The following GALNTL6 variants were observed in gnomAD, a reference collection of about 807,000 sequenced individuals.
GALNTL6 encodes polypeptide N-acetylgalactosaminyltransferase like 6, also known as polypeptide N-acetylgalactosaminyltransferase-like 6.
In GALNTL6, 46 loss-of-function variants were observed where a neutral mutation model predicts 73.7. The ratio of observed to expected loss-of-function variants is 0.62; its 90% CI spans 0.49 to 0.80. The LOEUF (loss-of-function observed/expected upper bound fraction) is 0.80, where lower values mean the gene tolerates loss of function less well. Among genes scored for constraint, GALNTL6 ranks in the 30% least tolerant of loss-of-function variants. The probability of loss-of-function intolerance (pLI) is 0.00; values close to 1 mark genes in which losing one functional copy is unlikely to be tolerated. For missense variants in GALNTL6, 604 were observed against 755.0 expected, an observed-to-expected ratio of 0.80 and a Z score of 2.34; for synonymous variants, 259 against 263.7, an observed-to-expected ratio of 0.98 and a Z score of 0.17.
intron 7 of GALNTL6, among the ~76,000 whole-genome samples, chr4:172,876,699 T>A (rs1433765142): frequency 2.0e-5 from 3 of 152,166 alleles, no homozygotes; most frequent in Admixed American, 2.0e-4. Flanking sequence ...TAAAAAATGG[T>A]AATTTCTAGA....
chr4:172,591,994 G>T (rs1737656296), intron 5 of GALNTL6, among the ~76,000 whole-genome samples: 1 of 152,112 alleles, frequency 6.6e-6, no homozygotes, highest in African/African-American at 2.4e-5. Context: ...CTCCAAGTAT[G>T]GTCTCCATCT....
At chr4:172,696,657 C>T (rs569839012) in intron 5 of GALNTL6, among the ~76,000 whole-genome samples, 1 of 152,284 alleles carries the variant, frequency 6.6e-6, no homozygotes, top group East Asian at 1.9e-4. Flanking sequence ...TTGCCTGCTG[C>T]CATGTAAGAC....
chr4:172,761,944 C>A (rs949388332), intron 5 of GALNTL6, among the ~76,000 whole-genome samples: 1 of 152,160 alleles, frequency 6.6e-6, no homozygotes, highest in Non-Finnish European at 1.5e-5. Flanking sequence ...GATCTTCAAC[C>A]TGATCAAACC....
intron 2 of GALNTL6, among the ~76,000 whole-genome samples, chr4:172,083,065 T>G (rs1314014245): frequency 6.6e-6 from 1 of 152,164 alleles, no homozygotes; most frequent in Non-Finnish European, 1.5e-5. Context: ...GACAAAAACT[T>G]TAGTGTTATC....
chr4:171,899,336 T>A (rs867947550), intron 2 of GALNTL6, among the ~76,000 whole-genome samples: 1 of 152,108 alleles, frequency 6.6e-6, no homozygotes, highest in African/African-American at 2.4e-5. Flanking sequence ...TCCTGTTACA[T>A]TATGGCTTTG....
chr4:172,025,473 T>C (rs1284082876), intron 2 of GALNTL6, among the ~76,000 whole-genome samples: 1 of 151,984 alleles, frequency 6.6e-6, no homozygotes, highest in Non-Finnish European at 1.5e-5. Context: ...CTAGAGCTGG[T>C]GTTGGCTTTT....
At chr4:173,020,421 AT>A (rs1308424412) in intron 11 of GALNTL6, among the ~76,000 whole-genome samples, 1 of 152,234 alleles carries the variant, frequency 6.6e-6, no homozygotes, top group Non-Finnish European at 1.5e-5. Flanking sequence ...GTTGGATGGA[AT>A]ATCAGAGTCA....
chr4:171,910,051 A>G (rs1737426773), intron 2 of GALNTL6, among the ~76,000 whole-genome samples: 1 of 152,154 alleles, frequency 6.6e-6, no homozygotes, highest in South Asian at 2.1e-4. Context: ...TGCAAGCTTT[A>G]TTATAAGTCA....
chr4:172,306,309 A>G (rs1740135653), intron 3 of GALNTL6, among the ~76,000 whole-genome samples: 1 of 152,070 alleles, frequency 6.6e-6, no homozygotes, highest in South Asian at 2.1e-4. Context: ...GAATTGCTTG[A>G]ACTTGGGAGG....
chr4:172,348,505 C>A lies in GALNTL6; in HGVS notation c.387-18C>A. The A allele has an allele frequency of 6.2e-7, 1 of 1,601,218 alleles. No individual in the cohort carries two copies. The highest frequency in any genetic ancestry group is 1.1e-5 in the South Asian group (1 of 89,384). ...AGTTTTGTATTTGACACACCATTTT[C>A]TTTTCCCTCATCTCCAGCTGTAAGC... On this transcript the variant is annotated intron_variant, in intron 4 of 12. Transcript: ENST00000506823.
chr4:172,219,199 G>GTATATATATTTATATATATA (rs1736592908), intron 2 of GALNTL6, among the ~76,000 whole-genome samples: 1 of 116,206 alleles, frequency 8.6e-6, no homozygotes, highest in African/African-American at 3.3e-5. Flanking sequence ...TTAAGCAAGT[G>GTATATATATTTATATATATA]TATATATATA....
intron 7 of GALNTL6, among the ~76,000 whole-genome samples, chr4:172,864,000 A>G (rs1009685238): frequency 6.6e-6 from 1 of 152,232 alleles, no homozygotes; most frequent in South Asian, 2.1e-4. Flanking sequence ...GGTTTTATAA[A>G]TGGGATGCAC....
intron 5 of GALNTL6, among the ~76,000 whole-genome samples, chr4:172,748,880 TTTGTTGTTGTTGTTG>T (rs142265791): frequency 0.54 from 80,864 of 149,904 alleles, 23,621 homozygotes; most frequent in East Asian, 0.92. Flanking sequence ...CATATTTTCT[TTTGTTGTTGTTGTTG>T]TTGTTGTTGT....
chr4:172,217,087 C>T, intron 2 of GALNTL6, among the ~76,000 whole-genome samples: 1 of 152,120 alleles, frequency 6.6e-6, no homozygotes, highest in Middle Eastern at 3.2e-3. Flanking sequence ...CTTATTGTGG[C>T]TGCCCTTAGA....
intron 9 of GALNTL6, among the ~76,000 whole-genome samples, chr4:172,933,151 C>T (rs553549428): frequency 2.0e-5 from 3 of 152,084 alleles, no homozygotes; most frequent in Non-Finnish European, 4.4e-5. Flanking sequence ...CACCAATCAG[C>T]TGGGTAGATA....
intron 2 of GALNTL6, among the ~76,000 whole-genome samples, chr4:172,215,006 G>A (rs1736450836): frequency 1.3e-5 from 2 of 151,888 alleles, no homozygotes; most frequent in African/African-American, 4.8e-5. Flanking sequence ...TTTCTCTGAG[G>A]TATTTATGGA....
chr4:172,095,979 C>T (rs914924753), intron 2 of GALNTL6, among the ~76,000 whole-genome samples: 7 of 151,082 alleles, frequency 4.6e-5, no homozygotes, highest in Non-Finnish European at 1.5e-5. Flanking sequence ...TCTTTTCTCT[C>T]TCTTTTCTTT....
intron 5 of GALNTL6, among the ~76,000 whole-genome samples, chr4:172,595,554 T>C (rs926759258): frequency 6.6e-6 from 1 of 152,198 alleles, no homozygotes; most frequent in Admixed American, 6.5e-5. Flanking sequence ...CTAACATTGT[T>C]AATGAGAGAA....
At chr4:172,570,151 C>T (rs1736708532) in intron 5 of GALNTL6, among the ~76,000 whole-genome samples, 1 of 152,064 alleles carries the variant, frequency 6.6e-6, no homozygotes, top group South Asian at 2.1e-4. Flanking sequence ...TGGACAAGCT[C>T]CATGTTCAAG....
Sources: gnomAD v4.1 joint callset for allele counts (sites outside exome capture counted in the v4.1 genomes callset) on GRCh38, gnomAD v4.1.1 for gene constraint, MANE v1.5 for transcripts, NCBI Gene and HGNC (gene_info 2026-07-23, HGNC 2026-07-21) for gene names.